The following ROBO1 variants were observed in gnomAD, a reference collection of about 807,000 sequenced individuals.
ROBO1 encodes roundabout homolog 1.
In ROBO1, 149 loss-of-function variants were observed where a neutral mutation model predicts 195.9. The ratio of observed to expected loss-of-function variants is 0.76; its 90% CI spans 0.67 to 0.87. ROBO1 has a LOEUF of 0.87. Among genes scored for constraint, ROBO1 ranks in the 40% least tolerant of loss-of-function variants. The probability of loss-of-function intolerance (pLI) is 0.00; values close to 1 mark genes in which losing one functional copy is unlikely to be tolerated. For synonymous variants in ROBO1, 816 were observed against 733.2 expected, an observed-to-expected ratio of 1.11 and a Z score of -1.82; for missense variants, 1,933 against 2,068.3, an observed-to-expected ratio of 0.93 and a Z score of 1.27.
At chr3:78,719,850 A>T (rs1474142010) in intron 5 of ROBO1, among the ~76,000 whole-genome samples, 1 of 152,200 alleles carries the variant, frequency 6.6e-6, no homozygotes, top group Non-Finnish European at 1.5e-5. Flanking sequence ...TCATATGTGC[A>T]GTTATTTCCT....
intron 4 of ROBO1, among the ~76,000 whole-genome samples, chr3:78,749,017 T>G (rs2082725623): frequency 6.6e-6 from 1 of 152,092 alleles, no homozygotes; most frequent in South Asian, 2.1e-4. Context: ...TATAAAGACT[T>G]TCACTATTTA....
At chr3:79,444,426 C>T (rs931048231) in intron 2 of ROBO1, among the ~76,000 whole-genome samples, 1 of 151,950 alleles carries the variant, frequency 6.6e-6, no homozygotes, top group Non-Finnish European at 1.5e-5. Flanking sequence ...TTCAAATTGA[C>T]CAGATTGGCA....
At chr3:78,663,626 T>C (rs751498455) in intron 14 of ROBO1, among the ~76,000 whole-genome samples, 25 of 152,164 alleles carry the variant, frequency 1.6e-4, no homozygotes, top group Non-Finnish European at 3.7e-4. Context: ...ATCTCACTAT[T>C]CTTCAGTTTC....
intron 1 of ROBO1, among the ~76,000 whole-genome samples, chr3:79,695,593 C>T (rs574462033): frequency 6.6e-6 from 1 of 151,498 alleles, no homozygotes; most frequent in South Asian, 2.1e-4. Flanking sequence ...ATAAGAACTA[C>T]CTTGGGAGTG....
chr3:79,575,451 A>AT, intron 2 of ROBO1, among the ~76,000 whole-genome samples: 7 of 133,758 alleles, frequency 5.2e-5, no homozygotes, highest in African/African-American at 2.0e-4. Context: ...AAATATATAT[A>AT]AATATATATA....
At chr3:78,612,870 CA>C (rs1437174063) in intron 28 of ROBO1, among the ~76,000 whole-genome samples, 1 of 152,088 alleles carries the variant, frequency 6.6e-6, no homozygotes, top group Admixed American at 6.6e-5. Flanking sequence ...ATTAGAAATC[CA>C]AATAAACATT....
intron 8 of ROBO1, 150 bp downstream of exon 8, chr3:78,714,247 T>C (rs1354572443): frequency 4.2e-6 from 3 of 707,274 alleles, no homozygotes; most frequent in Non-Finnish European, 6.3e-6. Context: ...CAAAACAATA[T>C]GTGTTCTTTA....
At chr3:78,861,956 T>C (rs1385992039) in intron 4 of ROBO1, among the ~76,000 whole-genome samples, 2 of 152,188 alleles carry the variant, frequency 1.3e-5, no homozygotes, top group Non-Finnish European at 2.9e-5. Context: ...CTAAGGGTAA[T>C]GGACAGACCA....
intron 2 of ROBO1, among the ~76,000 whole-genome samples, chr3:79,414,725 T>C (rs934721209): frequency 2.0e-5 from 3 of 152,104 alleles, no homozygotes; most frequent in African/African-American, 7.2e-5. Context: ...TGAGAGATCA[T>C]AAAGAGAGAG....
At chr3:79,393,960 C>T (rs1394610463) in intron 2 of ROBO1, among the ~76,000 whole-genome samples, 3 of 151,774 alleles carry the variant, frequency 2.0e-5, no homozygotes, top group Non-Finnish European at 4.4e-5. Flanking sequence ...TGTATAAAAC[C>T]GAGTGCTCCA....
At chr3:78,632,944 C>T (rs199769156) in intron 24 of ROBO1, among the ~76,000 whole-genome samples, 1 of 152,050 alleles carries the variant, frequency 6.6e-6, no homozygotes, top group East Asian at 1.9e-4. Flanking sequence ...TTAAAACAAA[C>T]AAATAACATA....
rs1003815967 is a variant in ROBO1, at chr3:79,584,625, G to A, written c.88+5199C>T. 2.8e-5 allele frequency among the ~76,000 whole-genome samples: 4 copies of A among 145,324 alleles called. No individual in the cohort carries two copies. In the South Asian group the frequency reaches 6.6e-4, roughly 24 times the overall value. Reference sequence around the variant, plus strand: ...TAGGTGGGTGAGTGTGTGTGTGTGTGTGTGTGTGTGTGTATGTTCATACAC... The same window carrying A: ...TAGGTGGGTGAGTGTGTGTGTGTGTATGTGTGTGTGTGTATGTTCATACAC... On this transcript the variant is annotated intron_variant, in intron 2 of 30. Transcript: ENST00000464233.
chr3:79,083,653 T>C (rs2079315539), intron 3 of ROBO1, among the ~76,000 whole-genome samples: 1 of 152,250 alleles, frequency 6.6e-6, no homozygotes, highest in African/African-American at 2.4e-5. Flanking sequence ...CTATCCAAGT[T>C]AACCTTAGCC....
At chr3:79,469,778 A>G (rs554199092) in intron 2 of ROBO1, among the ~76,000 whole-genome samples, 2 of 152,326 alleles carry the variant, frequency 1.3e-5, no homozygotes, top group African/African-American at 2.4e-5. Context: ...ATTTCAAAAT[A>G]TAAGTGCTTT....
chr3:78,678,739 C>T (rs1440594961), intron 10 of ROBO1, among the ~76,000 whole-genome samples: 1 of 152,132 alleles, frequency 6.6e-6, no homozygotes, highest in South Asian at 2.1e-4. Flanking sequence ...CGAATTCTAC[C>T]AGAGGTACAA....
At chr3:78,987,420 A>G (rs995636103) in intron 3 of ROBO1, among the ~76,000 whole-genome samples, 10 of 152,146 alleles carry the variant, frequency 6.6e-5, no homozygotes, top group Non-Finnish European at 1.5e-4. Context: ...GCAATAAAAT[A>G]CAGGGCATAA....
chr3:79,172,287 C>T (rs1326688475), intron 2 of ROBO1, among the ~76,000 whole-genome samples: 1 of 152,140 alleles, frequency 6.6e-6, no homozygotes, highest in African/African-American at 2.4e-5. Context: ...CCTATCATTG[C>T]AGGTTATTAT....
At chr3:79,626,550 A>T (rs1175064757) in intron 1 of ROBO1, among the ~76,000 whole-genome samples, 1 of 152,202 alleles carries the variant, frequency 6.6e-6, no homozygotes, top group East Asian at 1.9e-4. Flanking sequence ...ATCATATTCA[A>T]TGGGCAAAAG....
chr3:78,654,662 G>C (rs1044998034), intron 18 of ROBO1, among the ~76,000 whole-genome samples: 1 of 152,134 alleles, frequency 6.6e-6, no homozygotes, highest in Non-Finnish European at 1.5e-5. Context: ...ACAGCCACTC[G>C]CTAGCTCAGT....
Sources: allele counts gnomAD v4.1 joint callset (sites outside exome capture counted in the v4.1 genomes callset), GRCh38; gene constraint gnomAD v4.1.1; transcripts MANE v1.5; gene names NCBI Gene and HGNC (gene_info 2026-07-23, HGNC 2026-07-21).